COL4A5: variants seen among roughly 807,000 people sequenced by gnomAD.
COL4A5 encodes collagen alpha-5(IV) chain.
COL4A5 carries 26 observed loss-of-function variants against 130.2 expected under a neutral mutation model. The ratio of observed to expected loss-of-function variants is 0.20; its 90% CI spans 0.15 to 0.28. COL4A5 has a LOEUF of 0.28. COL4A5 is among the 10% of genes least tolerant of loss of function. The pLI is 1.00. For synonymous variants in COL4A5, 496 were observed against 439.6 expected, an observed-to-expected ratio of 1.13 and a Z score of -1.60; for missense variants, 1,131 against 1,344.3, an observed-to-expected ratio of 0.84 and a Z score of 2.48.
chrX:108,582,961 T>C (rs2066274968), intron 17 of COL4A5, 24 bp downstream of exon 17: 18 of 1,144,213 alleles, frequency 1.6e-5, no homozygotes, highest in Non-Finnish European at 1.9e-5. Context: ...TACTTTGAAG[T>C]GACTGGTTTA....
In COL4A5 at chrX:108,677,539, A is replaced by G. The variant is rs1603313970; in HGVS notation, c.3848A>G (p.Asn1283Ser). ...GPEGPPGLPG[N>S]GGIKGEKGNP... ...GAAGGTCCTCCAGGTCTCCCTGGAAATGGAGGTATTAAAGGAGAGAAGGGA... is the reference window on the plus strand; with the variant it reads ...GAAGGTCCTCCAGGTCTCCCTGGAAGTGGAGGTATTAAAGGAGAGAAGGGA... Residue 1283 changes from asparagine (N) to serine (S), a missense_variant, in exon 44 of 53, where the codon AAT becomes AGT. Physicochemically the swap from Asn to Ser is conservative, Grantham distance 46. Transcript: ENST00000328300. 1 of 1,209,148 alleles carries G rather than the reference A, an allele frequency of 8.3e-7. No individual in the cohort carries two copies. Among genetic ancestry groups the G allele is most frequent in the Non-Finnish European group, 1.1e-6 (1 of 893,153 alleles).
chrX:108,526,642 TTCTTTC>T (rs2065321509), intron 1 of COL4A5, among the ~76,000 whole-genome samples: 1 of 68,560 alleles, frequency 1.5e-5, no homozygotes, highest in African/African-American at 8.6e-5. Flanking sequence ...CTTTCTTTCT[TTCTTTC>T]TTTCTTTCTT....
rs190210923 is a variant in COL4A5, at chrX:108,683,765, A to C, written c.4216+1877A>C. Among the ~76,000 whole-genome samples, 60 of 111,993 alleles carry C rather than the reference A, an allele frequency of 5.4e-4. 1 individual carries two copies. The highest frequency in any genetic ancestry group is 1.9e-3 in the African/African-American group (60 of 30,860). ...ATTTTGTATCCTGAGACTTTGCTGAAGTCACTTATCAGCTTGAGATTTTGG... is the reference window on the plus strand; with the variant it reads ...ATTTTGTATCCTGAGACTTTGCTGACGTCACTTATCAGCTTGAGATTTTGG... On this transcript the variant is annotated intron_variant, in intron 47 of 52. Coordinates refer to ENST00000328300, the MANE Select transcript of COL4A5 (RefSeq NM_033380.3).
At chrX:108,499,864 G>C (rs1455881611) in intron 1 of COL4A5, among the ~76,000 whole-genome samples, 1 of 111,121 alleles carries the variant, frequency 9.0e-6, no homozygotes, top group Non-Finnish European at 1.9e-5. Flanking sequence ...GCATAATATA[G>C]TATATTGCAT....
intron 4 of COL4A5, among the ~76,000 whole-genome samples, chrX:108,566,537 G>C (rs977701410): frequency 1.8e-5 from 2 of 110,277 alleles, no homozygotes; most frequent in Non-Finnish European, 3.8e-5. Context: ...TGAATGTTAG[G>C]GTTTTTTTTT....
intron 36 of COL4A5, among the ~76,000 whole-genome samples, chrX:108,630,049 G>A (rs2067224856): frequency 8.9e-6 from 1 of 111,909 alleles, no homozygotes; most frequent in Non-Finnish European, 1.9e-5. Flanking sequence ...TCTCAATCCA[G>A]TGTATCATGG....
At chrX:108,514,405 A>G (rs753966140) in intron 1 of COL4A5, among the ~76,000 whole-genome samples, 7 of 112,102 alleles carry the variant, frequency 6.2e-5, no homozygotes, top group Admixed American at 9.5e-5. Context: ...ATTTAGACCT[A>G]GCATTAGGTA....
At chrX:108,580,648 A>G in intron 14 of COL4A5, 34 bp from the exon 15 acceptor site, 1 of 1,200,149 alleles carries the variant, frequency 8.3e-7, no homozygotes, top group Non-Finnish European at 1.1e-6. Context: ...ACAGTATCCC[A>G]TGAACCATTG....
At chrX:108,695,470 A>G in intron 52 of COL4A5, 31 bp downstream of exon 52, 1 of 1,186,088 alleles carries the variant, frequency 8.4e-7, no homozygotes, top group Non-Finnish European at 1.1e-6. Context: ...ATTCAGGTCC[A>G]AAGCTTCCTT....
intron 1 of COL4A5, among the ~76,000 whole-genome samples, chrX:108,515,942 A>G (rs142409426): frequency 3.6e-5 from 4 of 111,906 alleles, no homozygotes; most frequent in African/African-American, 1.3e-4. Flanking sequence ...CTACTAAACT[A>G]TGGTTTTCCT....
chrX:108,515,654 G>A (rs1267565248), intron 1 of COL4A5, among the ~76,000 whole-genome samples: 4 of 111,011 alleles, frequency 3.6e-5, no homozygotes, highest in African/African-American at 1.3e-4. Flanking sequence ...GGAAATAATT[G>A]CTATATTTGA....
chrX:108,596,163 C>A (rs2147807431), intron 22 of COL4A5, among the ~76,000 whole-genome samples: 1 of 112,255 alleles, frequency 8.9e-6, no homozygotes, highest in Admixed American at 9.4e-5. Context: ...TGAAATTACA[C>A]TTTATGTTTG....
intron 2 of COL4A5, among the ~76,000 whole-genome samples, chrX:108,558,782 A>C (rs1027982952): frequency 1.8e-5 from 2 of 110,734 alleles, no homozygotes; most frequent in Admixed American, 9.7e-5. Flanking sequence ...CTTCCCTATT[A>C]AACTCTTGAT....
Position 108,580,968 on chromosome X carries a change from C to T in COL4A5, c.892-15C>T, listed in dbSNP as rs1225866923. ...AATGTATGTTGTTGCCCTATCATTT[C>T]TTTGTATCCTATAGGGTAAACCAGG... On this transcript the variant is annotated splice_polypyrimidine_tract_variant and intron_variant, in intron 15 of 52. Coordinates refer to ENST00000328300, the MANE Select transcript of COL4A5 (RefSeq NM_033380.3). 1.7e-6 allele frequency: 2 copies of T among 1,200,588 alleles called. No homozygotes were observed. The highest frequency in any genetic ancestry group is 2.3e-6 in the Non-Finnish European group (2 of 885,659).
intron 1 of COL4A5, among the ~76,000 whole-genome samples, chrX:108,519,501 A>G (rs1000213158): frequency 2.7e-5 from 3 of 111,167 alleles, no homozygotes; most frequent in Non-Finnish European, 5.7e-5. Context: ...ACTTCATGCT[A>G]TGATAGATGA....
At chrX:108,471,989 C>T (rs886209269) in intron 1 of COL4A5, among the ~76,000 whole-genome samples, 2 of 111,352 alleles carry the variant, frequency 1.8e-5, no homozygotes, top group African/African-American at 3.3e-5. Flanking sequence ...AAATTTTCCT[C>T]GTTACAATTT....
intron 1 of COL4A5, among the ~76,000 whole-genome samples, chrX:108,451,319 C>G (rs1454441657): frequency 4.5e-5 from 5 of 110,440 alleles, no homozygotes; most frequent in Non-Finnish European, 9.5e-5. Flanking sequence ...GTGCATGTGT[C>G]TTTATAGCAG....
intron 1 of COL4A5, among the ~76,000 whole-genome samples, chrX:108,529,375 A>G (rs2065356702): frequency 9.0e-6 from 1 of 111,731 alleles, no homozygotes; most frequent in Non-Finnish European, 1.9e-5. Context: ...ACATGAAAGT[A>G]TAAAACTCAC....
intron 1 of COL4A5, among the ~76,000 whole-genome samples, chrX:108,489,677 A>G (rs1022253144): frequency 1.8e-5 from 2 of 111,819 alleles, no homozygotes; most frequent in Non-Finnish European, 3.8e-5. Flanking sequence ...GCAGATTTTT[A>G]TTGTGCATAT....
Sources: allele counts gnomAD v4.1 joint callset (sites outside exome capture counted in the v4.1 genomes callset), GRCh38; gene constraint gnomAD v4.1.1; transcripts MANE v1.5; gene names NCBI Gene and HGNC (gene_info 2026-07-23, HGNC 2026-07-21).